The following CNBD1 variants were observed in gnomAD, a reference collection of about 807,000 sequenced individuals.
CNBD1 encodes the protein cyclic nucleotide-binding domain-containing protein 1.
In CNBD1, 71 loss-of-function variants were observed where a neutral mutation model predicts 54.4. The ratio of observed to expected loss-of-function variants is 1.30; its 90% CI spans 1.08 to 1.59. CNBD1 has a LOEUF of 1.59. Ranked by LOEUF, CNBD1 falls within the 40% of genes most tolerant of loss-of-function variation. The probability of loss-of-function intolerance (pLI) is 0.00; values close to 1 mark genes in which losing one functional copy is unlikely to be tolerated. For missense variants in CNBD1, 659 were observed against 518.0 expected, an observed-to-expected ratio of 1.27 and a Z score of -2.64; for synonymous variants, 182 against 170.7, an observed-to-expected ratio of 1.07 and a Z score of -0.51.
chr8:86,959,012 C>G, intron 4 of CNBD1, among the ~76,000 whole-genome samples: 1 of 152,254 alleles, frequency 6.6e-6, no homozygotes, highest in Admixed American at 6.5e-5. Flanking sequence ...ATGTTTAGTT[C>G]TTCCTCCAGG....
chr8:86,926,120 C>G (rs1026733648), intron 3 of CNBD1, among the ~76,000 whole-genome samples: 1 of 152,122 alleles, frequency 6.6e-6, no homozygotes, highest in East Asian at 1.9e-4. Flanking sequence ...TTACAGAGCG[C>G]TGATTGGTGC....
chr8:86,963,463 G>A (rs1047939578), intron 4 of CNBD1, among the ~76,000 whole-genome samples: 3 of 152,106 alleles, frequency 2.0e-5, no homozygotes, highest in African/African-American at 7.2e-5. Context: ...GCCTCAGGGG[G>A]GTGTATGAAC....
At chr8:87,221,225 A>G (rs1387280586) in intron 5 of CNBD1, among the ~76,000 whole-genome samples, 2 of 152,104 alleles carry the variant, frequency 1.3e-5, no homozygotes, top group South Asian at 4.1e-4. Flanking sequence ...TCATTTTAAA[A>G]ATTAGCACTG....
intron 2 of CNBD1, among the ~76,000 whole-genome samples, chr8:87,395,982 T>A (rs1811403067): frequency 6.6e-6 from 1 of 151,962 alleles, no homozygotes; most frequent in Non-Finnish European, 1.5e-5. Context: ...TAATTGTAAG[T>A]TTCCTGAGGC....
At chr8:87,151,913 A>T (rs1450112550) in intron 4 of CNBD1, among the ~76,000 whole-genome samples, 1 of 152,044 alleles carries the variant, frequency 6.6e-6, no homozygotes, top group East Asian at 1.9e-4. Flanking sequence ...AAAATTTTTG[A>T]TACTTTAAAA....
chr8:87,297,270 A>T (rs1029859320), intron 8 of CNBD1, among the ~76,000 whole-genome samples: 1 of 151,952 alleles, frequency 6.6e-6, no homozygotes, highest in Non-Finnish European at 1.5e-5. Flanking sequence ...CTAATTAGAC[A>T]CTTTATACCT....
At chr8:86,910,794 G>C (rs1035738986) in intron 3 of CNBD1, among the ~76,000 whole-genome samples, 4 of 152,212 alleles carry the variant, frequency 2.6e-5, no homozygotes, top group Non-Finnish European at 5.9e-5. Context: ...GTTAAGAGCA[G>C]AGGTTTAATA....
At chr8:87,326,994 C>A (rs1809683583) in intron 8 of CNBD1, among the ~76,000 whole-genome samples, 1 of 147,672 alleles carries the variant, frequency 6.8e-6, no homozygotes, top group East Asian at 2.0e-4. Context: ...TGTGGATGTC[C>A]TTTCTGTTTG....
At chr8:86,968,890 C>T (rs1021021721) in intron 4 of CNBD1, among the ~76,000 whole-genome samples, 1 of 152,144 alleles carries the variant, frequency 6.6e-6, no homozygotes, top group Non-Finnish European at 1.5e-5. Context: ...TTTTGTCCTG[C>T]ACCTGTGAAG....
downstream of CNBD1, among the ~76,000 whole-genome samples, chr8:87,383,565 C>T (rs1017367775): frequency 2.6e-5 from 4 of 151,784 alleles, no homozygotes; most frequent in Non-Finnish European, 4.4e-5. Flanking sequence ...CATACTGCTG[C>T]CCATGCATTT....
chr8:87,177,413 G>A (rs923782375), intron 4 of CNBD1, among the ~76,000 whole-genome samples: 29 of 152,182 alleles, frequency 1.9e-4, no homozygotes, highest in Non-Finnish European at 4.4e-5. Context: ...TTGGGAGATG[G>A]AGAATTTCAT....
chr8:87,422,652 T>C (rs1266311722), intron 2 of CNBD1, among the ~76,000 whole-genome samples: 1 of 152,198 alleles, frequency 6.6e-6, no homozygotes, highest in East Asian at 1.9e-4. Context: ...TAGGTACCAG[T>C]ACCATGCTGT....
chr8:87,208,769 A>G (rs997395192), intron 5 of CNBD1, among the ~76,000 whole-genome samples: 6 of 152,000 alleles, frequency 3.9e-5, no homozygotes, highest in Non-Finnish European at 7.4e-5. Context: ...TTTGTCTTAC[A>G]GTATTATTTC....
chr8:87,033,401 G>A (rs1050299719), intron 4 of CNBD1, among the ~76,000 whole-genome samples: 1 of 152,176 alleles, frequency 6.6e-6, no homozygotes, highest in Non-Finnish European at 1.5e-5. Context: ...ATTTCTTACT[G>A]ACAAGGTAAT....
chr8:87,323,281 G>A (rs1296753634), intron 8 of CNBD1, among the ~76,000 whole-genome samples: 15 of 108,976 alleles, frequency 1.4e-4, no homozygotes, highest in South Asian at 5.7e-4. Context: ...TTGACTTGGC[G>A]ATGTGGGCTC....
At chr8:87,169,454 G>A (rs1460539618) in intron 4 of CNBD1, among the ~76,000 whole-genome samples, 13 of 151,930 alleles carry the variant, frequency 8.6e-5, no homozygotes, top group African/African-American at 1.4e-4. Flanking sequence ...GACTGTCCTC[G>A]TGGGGTATTA....
chr8:87,001,708 G>C (rs1047585604), intron 4 of CNBD1, among the ~76,000 whole-genome samples: 6 of 152,154 alleles, frequency 3.9e-5, no homozygotes, highest in Non-Finnish European at 8.8e-5. Flanking sequence ...GAACTCAGCA[G>C]AGGGAATGCT....
intron 6 of CNBD1, among the ~76,000 whole-genome samples, chr8:87,246,264 A>G (rs112953792): frequency 1.9e-4 from 29 of 152,276 alleles, no homozygotes; most frequent in African/African-American, 5.5e-4. Context: ...TTCCCATGTC[A>G]TAATTTCCAT....
At chr8:87,245,842 A>T (rs2130834169) in intron 6 of CNBD1, among the ~76,000 whole-genome samples, 1 of 152,062 alleles carries the variant, frequency 6.6e-6, no homozygotes, top group Admixed American at 6.5e-5. Context: ...TCACTTTATC[A>T]TTCTTTTATT....
Sources: gnomAD v4.1 joint callset for allele counts (sites outside exome capture counted in the v4.1 genomes callset) on GRCh38, gnomAD v4.1.1 for gene constraint, MANE v1.5 for transcripts, NCBI Gene and HGNC (gene_info 2026-07-23, HGNC 2026-07-21) for gene names.